LRCH2: variants seen among roughly 807,000 people sequenced by gnomAD.
The protein encoded by LRCH2 is leucine rich repeats and calponin homology domain containing 2, also known as leucine-rich repeat and calponin homology domain-containing protein 2.
A neutral mutation model predicts 68.9 loss-of-function variants in LRCH2; 38 were observed. The ratio of observed to expected loss-of-function variants is 0.55; its 90% CI spans 0.43 to 0.72. LRCH2 has a LOEUF of 0.72. Among genes scored for constraint, LRCH2 ranks in the 30% least tolerant of loss-of-function variants. The pLI is 0.00. For missense variants in LRCH2, 528 were observed against 572.9 expected (o/e 0.92, Z 0.80); for synonymous variants, 191 against 208.1 (o/e 0.92, Z 0.71).
intron 1 of LRCH2, among the ~76,000 whole-genome samples, chrX:115,195,511 C>T (rs1556562884): frequency 9.2e-6 from 1 of 109,237 alleles, no homozygotes; most frequent in South Asian, 4.0e-4. Flanking sequence ...AGGAGGATGA[C>T]CTTTGTTTTC....
chrX:115,184,786 T>C (rs1433457286), intron 2 of LRCH2, among the ~76,000 whole-genome samples: 1 of 111,482 alleles, frequency 9.0e-6, no homozygotes, highest in African/African-American at 3.3e-5. Context: ...AAAATGAAAG[T>C]TAAAACTGGT....
intron 5 of LRCH2, among the ~76,000 whole-genome samples, chrX:115,178,205 A>C (rs2072665711): frequency 1.8e-5 from 2 of 111,856 alleles, no homozygotes; most frequent in African/African-American, 6.5e-5. Flanking sequence ...TGCTGATGCA[A>C]GTAAGGAATG....
intron 1 of LRCH2, among the ~76,000 whole-genome samples, chrX:115,224,499 A>T (rs2073105704): frequency 9.1e-6 from 1 of 110,058 alleles, no homozygotes; most frequent in Admixed American, 9.7e-5. Flanking sequence ...CCTGGGCAAC[A>T]TGATGAAACC....
chrX:115,183,252 G>T (rs1203828219), intron 3 of LRCH2, among the ~76,000 whole-genome samples: 1 of 111,638 alleles, frequency 9.0e-6, no homozygotes, highest in African/African-American at 3.3e-5. Flanking sequence ...AATTGGACAT[G>T]CAGGTATTCC....
chrX:115,169,526 A>G (rs2072589646), intron 6 of LRCH2, among the ~76,000 whole-genome samples: 1 of 111,451 alleles, frequency 9.0e-6, no homozygotes, highest in Admixed American at 9.6e-5. Flanking sequence ...TATTCAAGAA[A>G]AAGTCCTATT....
At chrX:115,189,197 T>A (rs1556555844) in intron 1 of LRCH2, among the ~76,000 whole-genome samples, 1 of 112,647 alleles carries the variant, frequency 8.9e-6, no homozygotes, top group Non-Finnish European at 1.9e-5. Flanking sequence ...CTTAGAAGAC[T>A]ACACTTCTGG....
In LRCH2 at chrX:115,111,888, T is replaced by G. The variant is rs1196163154; in HGVS notation, c.*1328A>C. ...GAGGTAACAAGTGCAAATGATCACA[T>G]ACTTAAGATATGATGCTTGCTTGGT... On this transcript the variant is annotated 3_prime_UTR_variant, in exon 21 of 21. Coordinates refer to ENST00000317135, the MANE Select transcript of LRCH2 (RefSeq NM_020871.4). 2 of 112,175 alleles carry G rather than the reference T, an allele frequency of 1.8e-5. No homozygotes were observed. Among genetic ancestry groups the G allele is most frequent in the Non-Finnish European group, 3.8e-5 (2 of 53,073 alleles). 9.2% of individuals were successfully genotyped at this position (112,175 alleles called of 1,213,427 possible).
intron 1 of LRCH2, among the ~76,000 whole-genome samples, chrX:115,193,216 T>C (rs897388472): frequency 2.7e-5 from 3 of 110,161 alleles, no homozygotes; most frequent in Non-Finnish European, 5.7e-5. Context: ...GAAAAGTAAA[T>C]GGAAAAAAAA....
At chrX:115,167,876 T>C (rs782519146) in intron 6 of LRCH2, among the ~76,000 whole-genome samples, 1 of 111,600 alleles carries the variant, frequency 9.0e-6, no homozygotes, top group East Asian at 2.8e-4. Flanking sequence ...CCAAAATTCA[T>C]CTGACTGCAC....
intron 1 of LRCH2, among the ~76,000 whole-genome samples, chrX:115,229,761 C>A (rs782503696): frequency 1.8e-4 from 20 of 111,749 alleles, no homozygotes; most frequent in South Asian, 1.1e-3. Context: ...ACTGAGAGGA[C>A]CTTCACCTCA....
At chrX:115,117,403 A>G (rs2072091998) in intron 20 of LRCH2, among the ~76,000 whole-genome samples, 2 of 111,819 alleles carry the variant, frequency 1.8e-5, no homozygotes, top group East Asian at 2.8e-4. Flanking sequence ...AATGTTAAGT[A>G]TGCACTTCCA....
intron 1 of LRCH2, among the ~76,000 whole-genome samples, chrX:115,221,665 A>G (rs2073086060): frequency 8.9e-6 from 1 of 112,398 alleles, no homozygotes; most frequent in African/African-American, 3.2e-5. Flanking sequence ...TCAACAATGC[A>G]TATTTTCTTC....
At chrX:115,168,155 G>C (rs944049246) in intron 6 of LRCH2, among the ~76,000 whole-genome samples, 1 of 112,061 alleles carries the variant, frequency 8.9e-6, no homozygotes, top group African/African-American at 3.2e-5. Context: ...TTATATGTAA[G>C]TACTGTAGTG....
Position 115,191,576 on chromosome X carries a change from G to A in LRCH2, c.350-3206C>T, listed in dbSNP as rs782045902. ...GGAGGCGGCCGCTACGAGGAGTACC[G>A]AGGCCACTCGCTTGATGCCAACAGC... On this transcript the variant is annotated intron_variant, in intron 1 of 20. Coordinates refer to ENST00000317135, the MANE Select transcript of LRCH2 (RefSeq NM_020871.4). 4.6e-4 allele frequency: 500 copies of A among 1,080,693 alleles called. No homozygotes were observed. The highest frequency in any genetic ancestry group is 5.7e-4 in the Non-Finnish European group (462 of 816,347). The allele number at this position is 1,080,693 out of a possible 1,213,427, so 89.1% of individuals were successfully genotyped here. A position where few individuals can be genotyped will look rare whatever the true frequency, so the allele number is the denominator to read the frequency against.
At chrX:115,231,584 A>T in intron 1 of LRCH2, among the ~76,000 whole-genome samples, 1 of 112,157 alleles carries the variant, frequency 8.9e-6, no homozygotes, top group East Asian at 2.8e-4. Flanking sequence ...TGCTCATTCA[A>T]CTGAAGAGAA....
chrX:115,213,185 A>G (rs2073019810), intron 1 of LRCH2, among the ~76,000 whole-genome samples: 1 of 111,875 alleles, frequency 8.9e-6, no homozygotes, highest in African/African-American at 3.2e-5. Context: ...TTCAGAACAC[A>G]GGGCAGTTAG....
At chrX:115,156,314 CATT>C (rs2072474519) in intron 12 of LRCH2, among the ~76,000 whole-genome samples, 1 of 111,547 alleles carries the variant, frequency 9.0e-6, no homozygotes, top group Non-Finnish European at 1.9e-5. Context: ...TAAAGAAACA[CATT>C]ATTCCTGGCA....
At chrX:115,188,184 C>A in intron 2 of LRCH2, 42 bp downstream of exon 2, 2 of 1,007,643 alleles carry the variant, frequency 2.0e-6, no homozygotes, top group South Asian at 2.8e-5. Context: ...AGGATTAGAA[C>A]AACAATAAAA....
At chrX:115,183,807 T>C (rs1434068393) in intron 3 of LRCH2, among the ~76,000 whole-genome samples, 4 of 112,247 alleles carry the variant, frequency 3.6e-5, no homozygotes, top group Non-Finnish European at 7.5e-5. Flanking sequence ...ATATGAAAAA[T>C]AGCTGAAAGC....
Sources: allele counts gnomAD v4.1 joint callset (sites outside exome capture counted in the v4.1 genomes callset), GRCh38; gene constraint gnomAD v4.1.1; transcripts MANE v1.5; gene names NCBI Gene and HGNC (gene_info 2026-07-23, HGNC 2026-07-21).